Variants in CSMD3 observed in about 807,000 individuals in gnomAD.
CSMD3 encodes the protein CUB and sushi domain-containing protein 3.
Under a neutral mutation model 435.2 loss-of-function variants are expected in CSMD3, and 177 were observed. The observed-to-expected ratio is 0.41, with a 90% CI of 0.36 to 0.46. The LOEUF is 0.46. Among genes scored for constraint, CSMD3 ranks in the 20% least tolerant of loss-of-function variants. The pLI, the probability that CSMD3 is intolerant of heterozygous loss-of-function variation, is 0.34. For synonymous variants in CSMD3, 1,656 were observed against 1,520.5 expected, an observed-to-expected ratio of 1.09 and a Z score of -2.07; for missense variants, 4,265 against 4,504.6, an observed-to-expected ratio of 0.95 and a Z score of 1.52.
At chr8:113,182,832 A>C (rs903570549) in intron 3 of CSMD3, among the ~76,000 whole-genome samples, 3 of 152,068 alleles carry the variant, frequency 2.0e-5, no homozygotes, top group Non-Finnish European at 4.4e-5. Flanking sequence ...CAACAACAGC[A>C]ACAAACTTCT....
At chr8:113,434,416 G>A (rs963047381) in intron 1 of CSMD3, among the ~76,000 whole-genome samples, 4 of 152,176 alleles carry the variant, frequency 2.6e-5, no homozygotes, top group African/African-American at 7.2e-5. Flanking sequence ...AAAGCCTTGA[G>A]ACAGGTGAAA....
At chr8:113,210,405 A>G (rs1381435466) in intron 3 of CSMD3, among the ~76,000 whole-genome samples, 1 of 152,116 alleles carries the variant, frequency 6.6e-6, no homozygotes, top group Non-Finnish European at 1.5e-5. Context: ...CTAAATTTAG[A>G]ATACATATAG....
At position 112,477,026 on chromosome 8, in the gene CSMD3, T is replaced by A. The variant is rs559103764; in HGVS notation, c.5279-4319A>T. Among the ~76,000 whole-genome samples, 23 of 152,334 alleles carry A rather than the reference T, an allele frequency of 1.5e-4. No individual in the cohort carries two copies. The East Asian group carries it at 1.7e-3, about 12-fold the overall frequency. On this transcript the variant is annotated intron_variant, in intron 31 of 70. Transcript: ENST00000297405. The stretch of plus-strand genomic sequence containing the variant: ...ACATAGTAGGCTCTCCATAAATATC[T>A]GTTGGATTATTAAATGAACCATATC...
chr8:113,148,218 A>C (rs1420938244), intron 4 of CSMD3, among the ~76,000 whole-genome samples: 2 of 151,658 alleles, frequency 1.3e-5, no homozygotes, highest in African/African-American at 4.8e-5. Context: ...AATACCAAAT[A>C]ATTTTCATCT....
intron 22 of CSMD3, among the ~76,000 whole-genome samples, chr8:112,594,209 G>A (rs1831463403): frequency 6.6e-6 from 1 of 152,210 alleles, no homozygotes; most frequent in Non-Finnish European, 1.5e-5. Context: ...CACTTGGGAA[G>A]CCCAAGGGGT....
rs189449178 is a variant in CSMD3, at chr8:112,364,259, C to G, written c.6137-11725G>C. Among the ~76,000 whole-genome samples the G allele has an allele frequency of 8.6e-5, 13 of 151,972 alleles. No homozygotes were observed. In the East Asian group the frequency reaches 2.5e-3, roughly 29 times the overall value. On this transcript the variant is annotated intron_variant, in intron 38 of 70. Transcript: ENST00000297405. Reference sequence around the variant, plus strand: ...AACTACTACAAGGGATAGAAAGATGCTTTCAGATATTCCAGTTTTTCCTAG... The same window carrying G: ...AACTACTACAAGGGATAGAAAGATGGTTTCAGATATTCCAGTTTTTCCTAG...
Position 112,677,420 on chromosome 8 carries a change from CA to C in CSMD3, c.2677+5021del, listed in dbSNP as rs34579993. 5.6e-3 allele frequency among the ~76,000 whole-genome samples: 792 copies of C among 141,370 alleles called. 4 individuals are homozygous for C. The highest frequency in any genetic ancestry group is 0.019 in the African/African-American group (718 of 37,866). The allele number at this position is 141,370 out of a possible 152,430, so 92.7% of individuals were successfully genotyped here. A position where few individuals can be genotyped will look rare whatever the true frequency, so the allele number is the denominator to read the frequency against. Reference sequence around the variant, plus strand: ...TGTATAAAACACTTGCATCCTAACTCAAAAAAAAAAATCAAAGTAAAAATCT... The same window carrying C: ...TGTATAAAACACTTGCATCCTAACTCAAAAAAAAAATCAAAGTAAAAATCT... On this transcript the variant is annotated intron_variant, in intron 16 of 70. Coordinates refer to ENST00000297405, the MANE Select transcript of CSMD3 (RefSeq NM_198123.2).
intron 10 of CSMD3, among the ~76,000 whole-genome samples, chr8:112,877,092 C>T (rs1267486790): frequency 1.3e-5 from 2 of 152,028 alleles, no homozygotes; most frequent in Non-Finnish European, 2.9e-5. Flanking sequence ...CAAACCACTG[C>T]TCAAGGAAAT....
intron 63 of CSMD3, among the ~76,000 whole-genome samples, chr8:112,252,561 G>T (rs1815363456): frequency 6.6e-6 from 1 of 151,178 alleles, no homozygotes; most frequent in Non-Finnish European, 1.5e-5. Context: ...GATGCCTTTT[G>T]CATATAAAAC....
intron 2 of CSMD3, among the ~76,000 whole-genome samples, chr8:113,301,241 A>C (rs1433498521): frequency 6.6e-6 from 1 of 152,104 alleles, no homozygotes; most frequent in Non-Finnish European, 1.5e-5. Context: ...ATTGGTGCTG[A>C]TTTTAATAAA....
At chr8:113,260,770 C>A (rs183735240) in intron 3 of CSMD3, among the ~76,000 whole-genome samples, 2 of 152,068 alleles carry the variant, frequency 1.3e-5, no homozygotes, top group African/African-American at 2.4e-5. Context: ...GTTCCCTTCC[C>A]TGTGTCCATG....
chr8:112,634,799 G>C (rs1316925981), intron 22 of CSMD3, among the ~76,000 whole-genome samples: 1 of 151,632 alleles, frequency 6.6e-6, no homozygotes, highest in Non-Finnish European at 1.5e-5. Flanking sequence ...GTTACTCTGA[G>C]AGAAAATGTT....
At chr8:112,258,142 A>C (rs1216199601) in intron 61 of CSMD3, among the ~76,000 whole-genome samples, 1 of 152,362 alleles carries the variant, frequency 6.6e-6, no homozygotes, top group South Asian at 2.1e-4. Flanking sequence ...GAGATACATT[A>C]AAGATTTAAA....
At chr8:113,105,978 T>C (rs2131578209) in intron 4 of CSMD3, among the ~76,000 whole-genome samples, 1 of 152,120 alleles carries the variant, frequency 6.6e-6, no homozygotes, top group African/African-American at 2.4e-5. Context: ...ATGGAGATGA[T>C]GGAATTAGAA....
At chr8:112,429,295 T>C (rs1187981957) in intron 32 of CSMD3, among the ~76,000 whole-genome samples, 1 of 152,058 alleles carries the variant, frequency 6.6e-6, no homozygotes, top group Non-Finnish European at 1.5e-5. Flanking sequence ...CATACAATAT[T>C]GGTTTTTCTG....
chr8:112,416,283 C>T (rs1811905785), intron 32 of CSMD3, among the ~76,000 whole-genome samples: 1 of 152,172 alleles, frequency 6.6e-6, no homozygotes, highest in Admixed American at 6.5e-5. Context: ...GGTATTTCCG[C>T]TTCTGGCTCT....
chr8:113,097,677 T>C (rs892819450), intron 5 of CSMD3, among the ~76,000 whole-genome samples: 1 of 152,072 alleles, frequency 6.6e-6, no homozygotes, highest in African/African-American at 2.4e-5. Flanking sequence ...ATGGCTTTAA[T>C]TGCACATCTT....
rs1284468709 is a variant in CSMD3, at chr8:112,465,903, A to G, written c.5395+6688T>C. ...GGCAGGACAATCACTTGAACCCAGG[A>G]GGCGAAGGTTGCAGTGAGCCGAGAT... On this transcript the variant is annotated intron_variant, in intron 32 of 70. Transcript: ENST00000297405. Among the ~76,000 whole-genome samples, 6 of 151,034 alleles carry G rather than the reference A, an allele frequency of 4.0e-5. No homozygotes were observed. The East Asian group carries it at 1.2e-3, about 30-fold the overall frequency.
At chr8:112,455,254 A>T (rs570554500) in intron 32 of CSMD3, among the ~76,000 whole-genome samples, 139 of 152,304 alleles carry the variant, frequency 9.1e-4, no homozygotes, top group African/African-American at 3.2e-3. Flanking sequence ...AATAATATGC[A>T]GCCATAAAAA....
Sources: gnomAD v4.1 joint callset for allele counts (sites outside exome capture counted in the v4.1 genomes callset) on GRCh38, gnomAD v4.1.1 for gene constraint, MANE v1.5 for transcripts, NCBI Gene and HGNC (gene_info 2026-07-23, HGNC 2026-07-21) for gene names.